Variants in CEP83 observed in about 807,000 individuals in gnomAD.
CEP83 encodes the protein centrosomal protein 83.
A neutral mutation model predicts 101.9 loss-of-function variants in CEP83; 70 were observed. The ratio of observed to expected loss-of-function variants is 0.69; its 90% CI spans 0.57 to 0.84. The LOEUF (loss-of-function observed/expected upper bound fraction) is 0.84. CEP83 is among the 40% of genes least tolerant of loss of function. CEP83 has a pLI of 0.00. For missense variants in CEP83, 715 were observed against 787.2 expected, an observed-to-expected ratio of 0.91 and a Z score of 1.10; for synonymous variants, 264 against 267.9, an observed-to-expected ratio of 0.99 and a Z score of 0.14.
At chr12:94,331,577 G>A (rs2059224706) in intron 14 of CEP83, 123 bp downstream of exon 14, 1 of 793,880 alleles carries the variant, frequency 1.3e-6, no homozygotes, top group Non-Finnish European at 2.0e-6. Context: ...CACTGTGTTA[G>A]CCAGGATGGT....
At chr12:94,319,710 T>C (rs965191199) in intron 14 of CEP83, among the ~76,000 whole-genome samples, 1 of 152,198 alleles carries the variant, frequency 6.6e-6, no homozygotes, top group African/African-American at 2.4e-5. Context: ...TCAATTTTTA[T>C]TGTGCTGTGT....
At chr12:94,359,600 T>C (rs1336286375) in intron 11 of CEP83, among the ~76,000 whole-genome samples, 1 of 151,906 alleles carries the variant, frequency 6.6e-6, no homozygotes, top group Non-Finnish European at 1.5e-5. Flanking sequence ...ATACAAAACC[T>C]GAACAGATCA....
At chr12:94,387,055 T>C (rs1172756504) in intron 6 of CEP83, among the ~76,000 whole-genome samples, 3 of 152,278 alleles carry the variant, frequency 2.0e-5, no homozygotes, top group East Asian at 3.9e-4. Flanking sequence ...TGGCTAGCCA[T>C]ATGCAAAGGA....
chr12:94,286,923 G>GCATCTCATGGAC, the CEP83 span, among the ~76,000 whole-genome samples: 1 of 152,216 alleles, frequency 6.6e-6, no homozygotes, highest in Admixed American at 6.5e-5. Context: ...CAAAAATATA[G>GCATCTCATGGAC]CATCTCATGG....
intron 4 of CEP83, among the ~76,000 whole-genome samples, chr12:94,411,376 CTT>C (rs2063870129): frequency 1.3e-5 from 2 of 152,124 alleles, no homozygotes; most frequent in East Asian, 1.9e-4. Flanking sequence ...ACTAGTAACT[CTT>C]TTAAAAAAAT....
intron 2 of CEP83, among the ~76,000 whole-genome samples, chr12:94,428,631 T>C (rs2138139067): frequency 6.6e-6 from 1 of 152,284 alleles, no homozygotes; most frequent in South Asian, 2.1e-4. Flanking sequence ...AAGTATAAAA[T>C]TTTTCACAGC....
rs2068007665 is a variant in CEP83, at chr12:94,459,757, CT to C, written c.-356del. The C allele has an allele frequency of 6.5e-6, 1 of 152,746 alleles. No homozygotes were observed. 9.5% of individuals were successfully genotyped at this position (152,746 alleles called of 1,614,324 possible). A position where few individuals can be genotyped will look rare whatever the true frequency, so the allele number is the denominator to read the frequency against. ...GAGAGGAAGAGGGCCGAACGGACCC[CT>C]CGGGCTCCCGTCCCTAGGGAAATGT... On this transcript the variant is annotated 5_prime_UTR_variant, in exon 1 of 17. Coordinates refer to ENST00000397809, the MANE Select transcript of CEP83 (RefSeq NM_016122.3).
At chr12:94,343,488 T>C (rs2059790710) in intron 11 of CEP83, among the ~76,000 whole-genome samples, 1 of 129,974 alleles carries the variant, frequency 7.7e-6, no homozygotes, top group East Asian at 2.2e-4. Flanking sequence ...TTTTTTTTTT[T>C]TTTTTTTTTT....
At chr12:94,420,009 A>G (rs1393294140) in intron 2 of CEP83, among the ~76,000 whole-genome samples, 4 of 152,208 alleles carry the variant, frequency 2.6e-5, no homozygotes, top group African/African-American at 9.6e-5. Context: ...TTTACTGGCC[A>G]TTTAGATATC....
At chr12:94,383,047 G>A (rs1378619334) in intron 6 of CEP83, among the ~76,000 whole-genome samples, 1 of 152,010 alleles carries the variant, frequency 6.6e-6, no homozygotes, top group Non-Finnish European at 1.5e-5. Flanking sequence ...CACCTCTGGT[G>A]CACATACATT....
intron 16 of CEP83, 65 bp from the exon 17 acceptor site, chr12:94,308,982 T>C (rs1969408709): frequency 9.3e-7 from 1 of 1,076,516 alleles, no homozygotes; most frequent in African/African-American, 1.6e-5. Context: ...GTAGCAACCT[T>C]GGACTGCCTC....
chr12:94,312,019 T>G (rs1421261880), intron 15 of CEP83, among the ~76,000 whole-genome samples: 2 of 151,926 alleles, frequency 1.3e-5, no homozygotes, highest in Non-Finnish European at 2.9e-5. Flanking sequence ...AGGCTACAGT[T>G]AGCTATGATC....
chr12:94,351,053 A>G (rs1184199662), intron 11 of CEP83, among the ~76,000 whole-genome samples: 2 of 152,168 alleles, frequency 1.3e-5, no homozygotes, highest in Non-Finnish European at 2.9e-5. Context: ...TTTCTAAGGG[A>G]GAACAACAGA....
intron 11 of CEP83, 91 bp downstream of exon 11, chr12:94,367,703 C>A: frequency 1.3e-6 from 1 of 798,704 alleles, no homozygotes; most frequent in Non-Finnish European, 1.9e-6. Context: ...GTGAAGAGCA[C>A]ATGGGAATTC....
chr12:94,384,585 T>C (rs2137267346), intron 6 of CEP83, among the ~76,000 whole-genome samples: 1 of 152,272 alleles, frequency 6.6e-6, no homozygotes, highest in Middle Eastern at 3.4e-3. Flanking sequence ...TATTTGCTTT[T>C]TAAATCTATT....
intron 11 of CEP83, among the ~76,000 whole-genome samples, chr12:94,341,350 T>C (rs865808058): frequency 2.5e-4 from 38 of 152,356 alleles, no homozygotes; most frequent in African/African-American, 8.9e-4. Flanking sequence ...CTGCTTTGCA[T>C]GATTTATACT....
At chr12:94,401,358 T>C (rs1333267192) in intron 5 of CEP83, 1 of 152,244 alleles carries the variant, frequency 6.6e-6, no homozygotes, top group East Asian at 1.9e-4. Flanking sequence ...TTAGTATAAG[T>C]AAAACAAATT....
chr12:94,393,498 G>A (rs1024665193), intron 6 of CEP83, among the ~76,000 whole-genome samples: 2 of 152,178 alleles, frequency 1.3e-5, no homozygotes, highest in Non-Finnish European at 2.9e-5. Flanking sequence ...AGCTATTTAT[G>A]ACAAACCCAC....
At chr12:94,455,632 G>A (rs1285133615) in intron 1 of CEP83, among the ~76,000 whole-genome samples, 1 of 152,186 alleles carries the variant, frequency 6.6e-6, no homozygotes, top group African/African-American at 2.4e-5. Context: ...GGAATGGCCA[G>A]GTTTAGGTTC....
Sources: gnomAD v4.1 joint callset for allele counts (sites outside exome capture counted in the v4.1 genomes callset) on GRCh38, gnomAD v4.1.1 for gene constraint, MANE v1.5 for transcripts, NCBI Gene and HGNC (gene_info 2026-07-23, HGNC 2026-07-21) for gene names.